The following STUM variants were observed in gnomAD, a reference collection of about 807,000 sequenced individuals.
STUM encodes protein stum homolog.
Under a neutral mutation model 15.3 loss-of-function variants are expected in STUM, and 8 were observed. The observed-to-expected ratio is 0.52, with a 90% CI of 0.31 to 0.94. The LOEUF (loss-of-function observed/expected upper bound fraction) is 0.94. Among genes scored for constraint, STUM ranks in the 40% least tolerant of loss-of-function variants. The probability of loss-of-function intolerance (pLI) is 0.05; values close to 1 mark genes in which losing one functional copy is unlikely to be tolerated. For synonymous variants in STUM, 78 were observed against 88.7 expected (o/e 0.88, Z 0.68); for missense variants, 142 against 204.9 (o/e 0.69, Z 1.87).
chr1:226,564,737 C>G (rs1667594556), intron 1 of STUM, among the ~76,000 whole-genome samples: 1 of 152,060 alleles, frequency 6.6e-6, no homozygotes, highest in Admixed American at 6.5e-5. Context: ...TGATAATGAG[C>G]TGGGAAACGT....
intron 1 of STUM, among the ~76,000 whole-genome samples, chr1:226,557,284 A>G (rs1054505166): frequency 2.0e-5 from 3 of 152,130 alleles, no homozygotes; most frequent in African/African-American, 4.8e-5. Flanking sequence ...AGTTCCATTC[A>G]TGTTGTTGCA....
Position 226,548,925 on chromosome 1 carries a change from C to G in STUM, c.21C>G (p.Asp7Glu). ...CGGCCATGGAGCCCTCGCACAAAGA[C>G]GCCGAGACGGCGGCGGCGGCGGCGG... Reference protein sequence around the residue: MEPSHKDAETAAAAAAV... With the variant: MEPSHKEAETAAAAAAV... Residue 7 changes from aspartate to glutamate, a missense_variant, in exon 1 of 4, where the codon GAC becomes GAG. By Grantham distance (45) the Asp-to-Glu change is conservative. Around this residue, in one of 2 missense-constraint regions of STUM, gnomAD observed 113 missense variants for 134.4 expected, o/e 0.84. Transcript: ENST00000366788. The G allele has an allele frequency of 7.0e-7, 1 of 1,438,254 alleles. No homozygotes were observed. The highest frequency in any genetic ancestry group is 9.1e-7 in the Non-Finnish European group (1 of 1,102,114). 89.1% of individuals were successfully genotyped at this position (1,438,254 alleles called of 1,614,324 possible).
chr1:226,600,789 G>A lies in STUM; in HGVS notation c.391+115G>A, dbSNP rs1409344349. On this transcript the variant is annotated intron_variant, in intron 3 of 3. Coordinates refer to ENST00000366788, the MANE Select transcript of STUM (RefSeq NM_001003665.4). The surrounding 1 kb of genome is among the most constrained non-coding windows in gnomAD (Gnocchi z 5.2). ...ACCCACTCTCCCAGTGGGTCAATGG[G>A]CTTTTATGTTTAGCTTGAACTTTTG... 7.9e-6 allele frequency: 9 copies of A among 1,145,310 alleles called. No individual in the cohort carries two copies. The highest frequency in any genetic ancestry group is 2.0e-4 in the Middle Eastern group (1 of 5,038). 70.9% of individuals were successfully genotyped at this position (1,145,310 alleles called of 1,614,324 possible).
intron 1 of STUM, among the ~76,000 whole-genome samples, chr1:226,554,587 A>C (rs1289853486): frequency 6.6e-6 from 1 of 152,214 alleles, no homozygotes; most frequent in African/African-American, 2.4e-5. Context: ...TGTGTATTAC[A>C]GCAGAAAGTG....
intron 1 of STUM, among the ~76,000 whole-genome samples, chr1:226,593,402 C>G (rs548682116): frequency 6.6e-6 from 1 of 152,086 alleles, no homozygotes; most frequent in Non-Finnish European, 1.5e-5. Context: ...CACCCTGCCC[C>G]CTGCACCATC....
chr1:226,568,276 G>A (rs538459902), intron 1 of STUM, among the ~76,000 whole-genome samples: 24 of 152,264 alleles, frequency 1.6e-4, no homozygotes, highest in Non-Finnish European at 2.5e-4. Context: ...GTTTCGGTGG[G>A]CCTCATTCCG....
At chr1:226,579,904 G>T (rs940768294) in intron 1 of STUM, among the ~76,000 whole-genome samples, 1 of 152,136 alleles carries the variant, frequency 6.6e-6, no homozygotes, top group Admixed American at 6.5e-5. Context: ...GATTACAGGC[G>T]TGAGCCACCC....
At chr1:226,578,715 A>G (rs917052515) in intron 1 of STUM, among the ~76,000 whole-genome samples, 1 of 152,102 alleles carries the variant, frequency 6.6e-6, no homozygotes, top group Admixed American at 6.5e-5. Context: ...GACTCGGTGA[A>G]GGCCAAGTTT....
In STUM at chr1:226,567,729, G is replaced by A. The variant is rs1196078828; in HGVS notation, c.202+18623G>A. On this transcript the variant is annotated intron_variant, in intron 1 of 3. Coordinates refer to ENST00000366788, the MANE Select transcript of STUM (RefSeq NM_001003665.4). This position sits in a 1 kb window ranked among gnomAD's most constrained non-coding sequence, Gnocchi z 4.5. ...TAAAAGTGGAAGCGTGCCAGCGTGA[G>A]ATGGATGATTCTGCCGAGGGGTCTC... Among the ~76,000 whole-genome samples the A allele has an allele frequency of 6.6e-6, 1 of 152,208 alleles. No individual in the cohort carries two copies. The highest frequency in any genetic ancestry group is 1.5e-5 in the Non-Finnish European group (1 of 68,038).
At chr1:226,559,178 G>A (rs1667497425) in intron 1 of STUM, among the ~76,000 whole-genome samples, 1 of 152,212 alleles carries the variant, frequency 6.6e-6, no homozygotes, top group Admixed American at 6.5e-5. Context: ...CCCCTGTTGA[G>A]CAGAGCACTC....
At chr1:226,558,582 A>G (rs1236945850) in intron 1 of STUM, among the ~76,000 whole-genome samples, 1 of 152,140 alleles carries the variant, frequency 6.6e-6, no homozygotes, top group Non-Finnish European at 1.5e-5. Context: ...GTACTCCCCA[A>G]ACCCTGGGCC....
Position 226,603,582 on chromosome 1 carries a change from G to A in STUM, c.*1542G>A, listed in dbSNP as rs1668306485. 6.6e-6 allele frequency: 1 copy of A among 152,236 alleles called. No individual in the cohort carries two copies. The highest frequency in any genetic ancestry group is 2.4e-5 in the African/African-American group (1 of 41,450). The allele number at this position is 152,236 out of a possible 1,614,324, so 9.4% of individuals were successfully genotyped here. A position where few individuals can be genotyped will look rare whatever the true frequency, so the allele number is the denominator to read the frequency against. On this transcript the variant is annotated 3_prime_UTR_variant, in exon 4 of 4. Transcript: ENST00000366788. ...TCAGAGACTGTCAGAACTCCATGAGGGCAGGAGAAGGGATTTTGCAGGATG... is the reference window on the plus strand; with the variant it reads ...TCAGAGACTGTCAGAACTCCATGAGAGCAGGAGAAGGGATTTTGCAGGATG...
chr1:226,600,729 C>T lies in STUM; in HGVS notation c.391+55C>T. 6.3e-7 allele frequency: 1 copy of T among 1,588,342 alleles called. No homozygotes were observed. The highest frequency in any genetic ancestry group is 8.6e-7 in the Non-Finnish European group (1 of 1,163,868). ...GTGCTGCTGCTTGGGGCCCTCCCCT[C>T]CCCCGAGACCCCCACTCCTGCACAC... On this transcript the variant is annotated intron_variant, in intron 3 of 3. Transcript: ENST00000366788. The surrounding 1 kb of genome is among the most constrained non-coding windows in gnomAD (Gnocchi z 5.2).
At chr1:226,579,606 C>A (rs1179981183) in intron 1 of STUM, among the ~76,000 whole-genome samples, 1 of 151,452 alleles carries the variant, frequency 6.6e-6, no homozygotes, top group Non-Finnish European at 1.5e-5. Flanking sequence ...ATCAGGGAGA[C>A]CAACTTGGGA....
At chr1:226,591,229 C>A (rs555206542) in intron 1 of STUM, among the ~76,000 whole-genome samples, 1 of 152,276 alleles carries the variant, frequency 6.6e-6, no homozygotes, top group African/African-American at 2.4e-5. Context: ...GCATGTGGTA[C>A]CTTATACGGC....
chr1:226,556,630 T>G (rs962850584), intron 1 of STUM, among the ~76,000 whole-genome samples: 1 of 152,130 alleles, frequency 6.6e-6, no homozygotes, highest in Admixed American at 6.5e-5. Context: ...GCCAGGAGGT[T>G]TCAGACCTAA....
At chr1:226,554,063 G>T (rs1667412051) in intron 1 of STUM, among the ~76,000 whole-genome samples, 1 of 152,196 alleles carries the variant, frequency 6.6e-6, no homozygotes, top group Non-Finnish European at 1.5e-5. Context: ...CTGATACCCG[G>T]TTTGGCCACG....
chr1:226,591,494 C>T (rs920107075), intron 1 of STUM, among the ~76,000 whole-genome samples: 1 of 152,182 alleles, frequency 6.6e-6, no homozygotes, highest in Non-Finnish European at 1.5e-5. Flanking sequence ...AACATATAAG[C>T]CAAAGCCTTT....
At chr1:226,591,230 C>T (rs925573071) in intron 1 of STUM, among the ~76,000 whole-genome samples, 7 of 152,152 alleles carry the variant, frequency 4.6e-5, no homozygotes, top group Admixed American at 2.0e-4. Context: ...CATGTGGTAC[C>T]TTATACGGCA....
Sources: allele counts gnomAD v4.1 joint callset (sites outside exome capture counted in the v4.1 genomes callset), GRCh38; gene constraint gnomAD v4.1.1; regional missense constraint gnomAD v4.1.1; non-coding constraint Gnocchi (gnomAD v3.1); transcripts MANE v1.5; gene names NCBI Gene and HGNC (gene_info 2026-07-23, HGNC 2026-07-21).